The following RBM25 variants were observed in gnomAD, a reference collection of about 807,000 sequenced individuals.
The protein encoded by RBM25 is RNA-binding protein 25.
In RBM25, 19 loss-of-function variants were observed where a neutral mutation model predicts 120.7. The ratio of observed to expected loss-of-function variants is 0.16; its 90% CI spans 0.11 to 0.23. The LOEUF is 0.23. Ranked by LOEUF, RBM25 falls within the 10% of genes least tolerant of loss-of-function variation. The pLI, the probability that RBM25 is intolerant of heterozygous loss-of-function variation, is 1.00. For missense variants in RBM25, 605 were observed against 1,041.5 expected (o/e 0.58, Z 5.77); for synonymous variants, 390 against 326.7 (o/e 1.19, Z -2.09).
intron 9 of RBM25, chr14:73,102,745 C>T (rs1896079894): frequency 6.3e-6 from 1 of 158,902 alleles, no homozygotes; most frequent in Admixed American, 6.0e-5. Context: ...TCTTCTATAC[C>T]ACTTGCCCTT....
rs73301268 is a variant in RBM25 at position 73,106,471 on chromosome 14, A to G, written c.1467+186A>G. Among the ~76,000 whole-genome samples, 693 of 152,252 alleles carry G rather than the reference A, an allele frequency of 4.6e-3. 5 individuals carry two copies. Among genetic ancestry groups the G allele is most frequent in the African/African-American group, 0.015 (639 of 41,568 alleles). On this transcript the variant is annotated intron_variant, in intron 12 of 18. Transcript: ENST00000261973. ...CACCAAAATCTTTTTTCCTCTTCAA[A>G]TTTTTGCTGCATCTAAAGTTATCTT...
intron 5 of RBM25, among the ~76,000 whole-genome samples, chr14:73,083,780 T>G (rs922383768): frequency 5.9e-5 from 9 of 152,188 alleles, no homozygotes; most frequent in African/African-American, 2.2e-4. Flanking sequence ...AAAATTAAAA[T>G]TGCTCAATTT....
intron 4 of RBM25, among the ~76,000 whole-genome samples, chr14:73,082,525 A>G (rs550554709): frequency 1.3e-5 from 2 of 152,188 alleles, no homozygotes; most frequent in African/African-American, 4.8e-5. Context: ...TCCTGGGCTC[A>G]AGCAATCCTT....
intron 6 of RBM25, among the ~76,000 whole-genome samples, chr14:73,093,655 C>T (rs567601410): frequency 7.9e-5 from 12 of 152,082 alleles, no homozygotes; most frequent in African/African-American, 2.7e-4. Context: ...TACAGGCACC[C>T]GCCACCACGC....
At chr14:73,114,893 CTAAA>C (rs1242815751) in intron 18 of RBM25, among the ~76,000 whole-genome samples, 2 of 152,108 alleles carry the variant, frequency 1.3e-5, no homozygotes, top group Non-Finnish European at 2.9e-5. Flanking sequence ...GACCCCATCT[CTAAA>C]TAAATAAATA....
intron 4 of RBM25, among the ~76,000 whole-genome samples, chr14:73,078,703 T>G (rs980756142): frequency 6.6e-6 from 1 of 152,146 alleles, no homozygotes; most frequent in Non-Finnish European, 1.5e-5. Flanking sequence ...CTCCTGTATT[T>G]AAGTGATTCT....
intron 10 of RBM25, among the ~76,000 whole-genome samples, chr14:73,103,805 C>T (rs1758450556): frequency 6.6e-6 from 1 of 152,042 alleles, no homozygotes; most frequent in African/African-American, 2.4e-5. Context: ...CCGCCTGCCT[C>T]AGCCTCCCTA....
rs531971774 is a variant in RBM25, at chr14:73,081,457, C to T, written c.325-2037C>T. ...GCTCCTCCTGTCAGGTCCCTTTGTT[C>T]GTCTCATGTGTTCTGGTTCCTCTAA... On this transcript the variant is annotated intron_variant, in intron 4 of 18. Coordinates refer to ENST00000261973, the MANE Select transcript of RBM25 (RefSeq NM_021239.3). Among the ~76,000 whole-genome samples, 8 of 152,186 alleles carry T rather than the reference C, an allele frequency of 5.3e-5. No individual in the cohort carries two copies. The South Asian group carries it at 1.5e-3, about 28-fold the overall frequency.
intron 4 of RBM25, among the ~76,000 whole-genome samples, chr14:73,080,885 C>T (rs1397125692): frequency 3.3e-5 from 5 of 149,570 alleles, no homozygotes; most frequent in Admixed American, 6.7e-5. Context: ...AGTGCAGTGG[C>T]GTGATCTCAG....
At chr14:73,085,691 C>T (rs1895669236) in intron 5 of RBM25, among the ~76,000 whole-genome samples, 1 of 152,006 alleles carries the variant, frequency 6.6e-6, no homozygotes, top group African/African-American at 2.4e-5. Context: ...AGGTGATCCG[C>T]CCACCTCAGT....
Position 73,105,961 on chromosome 14 carries a change from G to A in RBM25, c.1257G>A (p.Arg419=). ...GGGAGCGAGAGAGAGAGCGAGAGAG[G>A]GAACGGGAGCGAGAAAGAGAAAAAG... ...RERERERERE[R]EREREREKDK... Residue 419 remains arginine (R), a synonymous_variant, in exon 11 of 19, where the codon AGG becomes AGA. Transcript: ENST00000261973. 1 of 1,613,180 alleles carries A rather than the reference G, an allele frequency of 6.2e-7. No homozygotes were observed. The highest frequency in any genetic ancestry group is 8.5e-7 in the Non-Finnish European group (1 of 1,179,734).
In RBM25 at chr14:73,117,205, C is replaced by CTTTTATTTTTTTTTTT. The variant is rs1896448964; in HGVS notation, c.2440-2504_2440-2503insATTTTTTTTTTTTTTT. Among the ~76,000 whole-genome samples, 25 of 36,548 alleles carry CTTTTATTTTTTTTTTT rather than the reference C, an allele frequency of 6.8e-4. 1 individual carries two copies. Among genetic ancestry groups the CTTTTATTTTTTTTTTT allele is most frequent in the African/African-American group, 2.4e-3 (23 of 9,762 alleles). The allele number at this position is 36,548 out of a possible 152,430, so 24.0% of individuals were successfully genotyped here. A position where few individuals can be genotyped will look rare whatever the true frequency, so the allele number is the denominator to read the frequency against. On this transcript the variant is annotated intron_variant, in intron 18 of 18. Coordinates refer to ENST00000261973, the MANE Select transcript of RBM25 (RefSeq NM_021239.3). ...ATTTCTTTCTTTTAATTTCTTTCTT[C>CTTTTATTTTTTTTTTT]TTTTCTTTTTTTTTTTTTTTTTTTT... is the stretch of plus-strand genomic sequence containing the variant.
intron 5 of RBM25, among the ~76,000 whole-genome samples, chr14:73,084,069 T>C (rs1428915952): frequency 6.6e-6 from 1 of 151,856 alleles, no homozygotes; most frequent in Non-Finnish European, 1.5e-5. Context: ...GGCTAATTTT[T>C]GTATTTTTAG....
At position 73,123,534 on chromosome 14, in the gene RBM25, G is replaced by A. The variant is rs1896570044; in HGVS notation, c.*3729G>A. ...TTGTGAATGTCACTGGAGATAAAAG[G>A]GTATGAGAAGGAATCCCAAGCAGGC... On this transcript the variant is annotated 3_prime_UTR_variant, in exon 19 of 19. Coordinates refer to ENST00000261973, the MANE Select transcript of RBM25 (RefSeq NM_021239.3). 1.3e-5 allele frequency: 2 copies of A among 152,120 alleles called. No individual in the cohort carries two copies. The highest frequency in any genetic ancestry group is 1.3e-4 in the Admixed American group (2 of 15,266). 9.4% of individuals were successfully genotyped at this position (152,120 alleles called of 1,614,324 possible).
In RBM25 at chr14:73,119,904, A is replaced by G; in HGVS notation, c.*99A>G. 1 of 1,456,952 alleles carries G rather than the reference A, an allele frequency of 6.9e-7. No homozygotes were observed. 90.3% of individuals were successfully genotyped at this position (1,456,952 alleles called of 1,614,324 possible). On this transcript the variant is annotated 3_prime_UTR_variant, in exon 19 of 19. Transcript: ENST00000261973. Reference sequence around the variant, plus strand: ...TCTTTGAAGACATTGTGAGATCTGTAATTTTTTTTTTTTGTAGAAAATGTG... The same window carrying G: ...TCTTTGAAGACATTGTGAGATCTGTGATTTTTTTTTTTTGTAGAAAATGTG...
chr14:73,087,308 T>C (rs1237531191), intron 5 of RBM25, among the ~76,000 whole-genome samples: 1 of 150,606 alleles, frequency 6.6e-6, no homozygotes, highest in Admixed American at 6.7e-5. Flanking sequence ...AATTGAAAAG[T>C]GCATTGTTTG....
intron 6 of RBM25, 108 bp from the exon 7 acceptor site, chr14:73,096,807 A>T: frequency 1.1e-6 from 1 of 917,382 alleles, no homozygotes; most frequent in Non-Finnish European, 1.7e-6. Context: ...TAATAGGACT[A>T]CAGAGATGTT....
Position 73,106,012 on chromosome 14 carries a change from T to A in RBM25, c.1308T>A (p.Asp436Glu). 1.9e-6 allele frequency: 3 copies of A among 1,612,856 alleles called. No individual in the cohort carries two copies. The highest frequency in any genetic ancestry group is 2.5e-6 in the Non-Finnish European group (3 of 1,179,670). ...EKDKKRDREEDEEDAYERRKL... is the reference protein window; with the variant it reads ...EKDKKRDREEEEEDAYERRKL... ...ACAAAAAACGGGACCGAGAAGAAGA[T>A]GAAGAAGATGCATACGAACGAAGAA... Residue 436 changes from aspartate (D) to glutamate (E), a missense_variant, in exon 11 of 19, where the codon GAT (aspartate) becomes GAA (glutamate). Coordinates refer to ENST00000261973, the MANE Select transcript of RBM25 (RefSeq NM_021239.3).
chr14:73,082,218 A>C (rs890718620), intron 4 of RBM25, among the ~76,000 whole-genome samples: 22 of 151,972 alleles, frequency 1.4e-4, no homozygotes, highest in African/African-American at 5.1e-4. Context: ...AGTTTCCATT[A>C]GTTTTCTCTT....
Sources: allele counts gnomAD v4.1 joint callset (sites outside exome capture counted in the v4.1 genomes callset), GRCh38; gene constraint gnomAD v4.1.1; transcripts MANE v1.5; gene names NCBI Gene and HGNC (gene_info 2026-07-23, HGNC 2026-07-21).